Variants in DHDDS observed in about 807,000 individuals in gnomAD.
The protein encoded by DHDDS is dehydrodolichyl diphosphate synthase subunit, also known as dehydrodolichyl diphosphate synthase complex subunit DHDDS.
DHDDS carries 16 observed loss-of-function variants against 46.2 expected under a neutral mutation model. That is an observed-to-expected ratio of 0.35 (90% CI 0.23 to 0.53). The LOEUF is 0.53. DHDDS is among the 20% of genes least tolerant of loss of function. DHDDS has a pLI of 0.94. For synonymous variants in DHDDS, 151 were observed against 163.1 expected (o/e 0.93, Z 0.56); for missense variants, 340 against 423.7 (o/e 0.80, Z 1.73).
intron 2 of DHDDS, chr1:26,433,264 G>C: frequency 1.8e-6 from 1 of 547,156 alleles, no homozygotes; most frequent in Non-Finnish European, 3.3e-6. Context: ...ATTCTTTATA[G>C]AGAACTGAAA....
At chr1:26,446,461 C>T in intron 5 of DHDDS, 29 bp downstream of exon 5, 1 of 1,595,672 alleles carries the variant, frequency 6.3e-7, no homozygotes, top group Non-Finnish European at 8.6e-7. Context: ...CTATAGGGAG[C>T]TGTTTCAATC....
intron 8 of DHDDS, among the ~76,000 whole-genome samples, chr1:26,463,992 CTTTTTTT>C (rs60149042): frequency 2.1e-5 from 2 of 93,760 alleles, no homozygotes; most frequent in African/African-American, 4.4e-5. Flanking sequence ...TATTTGCAAA[CTTTTTTT>C]TTTTTTTTTT....
At chr1:26,455,317 C>T (rs1012243046) in intron 6 of DHDDS, 9 of 506,972 alleles carry the variant, frequency 1.8e-5, no homozygotes, top group Non-Finnish European at 3.2e-5. Flanking sequence ...GCTGCCAAGA[C>T]AAGATTGTCA....
chr1:26,440,948 G>A (rs1439043159), intron 3 of DHDDS, among the ~76,000 whole-genome samples: 3 of 149,502 alleles, frequency 2.0e-5, no homozygotes, highest in Non-Finnish European at 4.4e-5. Context: ...TTTTTGAGAC[G>A]GAGTGTTGCT....
intron 8 of DHDDS, chr1:26,467,160 A>G (rs930062840): frequency 5.7e-6 from 2 of 350,728 alleles, no homozygotes; most frequent in South Asian, 4.3e-5. Flanking sequence ...TCTGAACTGC[A>G]TGACCCTTAC....
At chr1:26,439,753 G>A (rs886841189) in intron 3 of DHDDS, among the ~76,000 whole-genome samples, 5 of 152,184 alleles carry the variant, frequency 3.3e-5, no homozygotes, top group Non-Finnish European at 7.3e-5. Flanking sequence ...CTACACAGAG[G>A]TCATGAACAT....
intron 4 of DHDDS, among the ~76,000 whole-genome samples, chr1:26,443,470 A>G (rs1290338811): frequency 1.3e-5 from 2 of 152,230 alleles, no homozygotes; most frequent in Non-Finnish European, 2.9e-5. Flanking sequence ...CTTAGCTGTC[A>G]GTAAGTTTAG....
intron 3 of DHDDS, chr1:26,438,848 T>C (rs2075188212): frequency 6.1e-6 from 1 of 162,900 alleles, no homozygotes; most frequent in African/African-American, 2.4e-5. Context: ...TTATGCCTCA[T>C]CCAATCCTTA....
Position 26,468,899 on chromosome 1 carries a change from C to A in DHDDS, c.770C>A (p.Ala257Asp). The change falls in exon 9 of 9, where the codon GCC becomes GAC. Residue 257 changes from alanine (A) to aspartate (D), a missense_variant. Transcript: ENST00000236342. ...ATCCCCACTTTTCTCTAGCAGAAGGCCCGAGACATGTATGCAGAGGAGCGG... is the reference window on the plus strand; with the variant it reads ...ATCCCCACTTTTCTCTAGCAGAAGGACCGAGACATGTATGCAGAGGAGCGG... ...FQMNHSVLQK[A>D]RDMYAEERKR... 6.2e-7 allele frequency: 1 copy of A among 1,612,674 alleles called. No homozygotes were observed. Among genetic ancestry groups the A allele is most frequent in the Non-Finnish European group, 8.5e-7 (1 of 1,179,466 alleles).
At chr1:26,454,141 G>C (rs1331806707) in intron 6 of DHDDS, among the ~76,000 whole-genome samples, 1 of 152,126 alleles carries the variant, frequency 6.6e-6, no homozygotes, top group African/African-American at 2.4e-5. Context: ...TTTTAGTAGA[G>C]ACAGGGTTTC....
At chr1:26,453,116 A>ACACACACACACACACT (rs2075336873) in intron 6 of DHDDS, among the ~76,000 whole-genome samples, 1 of 152,016 alleles carries the variant, frequency 6.6e-6, no homozygotes, top group African/African-American at 2.4e-5. Flanking sequence ...ACACACACAC[A>ACACACACACACACACT]CACACACTCA....
In DHDDS at chr1:26,455,004, G is replaced by A. The variant is rs746948817; in HGVS notation, c.543-2787G>A. ...CACCTGCCAGCTCCACCATTGTAAC[G>A]TCGGAATGGTACGCACTGTTTCTGT... On this transcript the variant is annotated intron_variant, in intron 6 of 8. Coordinates refer to ENST00000236342, the MANE Select transcript of DHDDS (RefSeq NM_205861.3). 112 of 1,435,452 alleles carry A rather than the reference G, an allele frequency of 7.8e-5. 1 individual carries two copies. Among genetic ancestry groups the A allele is most frequent in the Middle Eastern group, 4.8e-4 (2 of 4,154 alleles). 88.9% of individuals were successfully genotyped at this position (1,435,452 alleles called of 1,614,324 possible).
At chr1:26,460,273 C>G in intron 8 of DHDDS, 129 bp downstream of exon 8, 1 of 776,606 alleles carries the variant, frequency 1.3e-6, no homozygotes, top group Non-Finnish European at 2.3e-6. Context: ...GTAGCTACCA[C>G]CTACTGAGTA....
Position 26,468,883 on chromosome 1 carries a change from T to A in DHDDS, c.766-12T>A, listed in dbSNP as rs1288835888. The A allele has an allele frequency of 6.3e-7, 1 of 1,598,352 alleles. No homozygotes were observed. Among genetic ancestry groups the A allele is most frequent in the Non-Finnish European group, 8.5e-7 (1 of 1,170,516 alleles). On this transcript the variant is annotated splice_polypyrimidine_tract_variant and intron_variant, in intron 8 of 8. Transcript: ENST00000236342. ...TGATCTCCCCACCCCAATCCCCACT[T>A]TTCTCTAGCAGAAGGCCCGAGACAT...
At chr1:26,465,653 G>A (rs1163612430) in intron 8 of DHDDS, among the ~76,000 whole-genome samples, 2 of 152,200 alleles carry the variant, frequency 1.3e-5, no homozygotes, top group Non-Finnish European at 2.9e-5. Flanking sequence ...GCTGAGTGCA[G>A]TGGCTGGAAC....
At chr1:26,437,788 TAAAAAAAGAAAAAA>T (rs1283701454) in intron 2 of DHDDS, among the ~76,000 whole-genome samples, 3 of 143,538 alleles carry the variant, frequency 2.1e-5, no homozygotes, top group Admixed American at 7.1e-5. Flanking sequence ...CCCCATCTCT[TAAAAAAAGAAAAAA>T]AAAAAAAGAA....
intron 8 of DHDDS, among the ~76,000 whole-genome samples, chr1:26,468,227 T>C (rs869246640): frequency 6.6e-6 from 1 of 151,840 alleles, no homozygotes; most frequent in Non-Finnish European, 1.5e-5. Context: ...AGAATGTTCA[T>C]AGGGGGGTCA....
chr1:26,455,493 T>C (rs2075362687), intron 6 of DHDDS, among the ~76,000 whole-genome samples: 1 of 152,114 alleles, frequency 6.6e-6, no homozygotes, highest in South Asian at 2.1e-4. Flanking sequence ...ACACCTGTAA[T>C]CCCAGCACTT....
At position 26,469,059 on chromosome 1, in the gene DHDDS, C is replaced by G; in HGVS notation, c.930C>G (p.Val310=). ...TCTCGGCCAGACGGGAAGAGCGAGT[C>G]CAAGGCTTCCTGCAGGCCTTGGAAC... is the stretch of plus-strand genomic sequence containing the variant. ...HKLSARREER[V]QGFLQALELK... The change falls in exon 9 of 9, where the codon GTC becomes GTG. Residue 310 remains valine, a synonymous_variant. Transcript: ENST00000236342. 1 of 1,613,762 alleles carries G rather than the reference C, an allele frequency of 6.2e-7. No individual in the cohort carries two copies. The highest frequency in any genetic ancestry group is 8.5e-7 in the Non-Finnish European group (1 of 1,180,028).
Sources: allele counts gnomAD v4.1 joint callset (sites outside exome capture counted in the v4.1 genomes callset), GRCh38; gene constraint gnomAD v4.1.1; transcripts MANE v1.5; gene names NCBI Gene and HGNC (gene_info 2026-07-23, HGNC 2026-07-21).